The following CALCR variants were observed in gnomAD, a reference collection of about 807,000 sequenced individuals.
CALCR encodes calcitonin receptor.
A neutral mutation model predicts 59.5 loss-of-function variants in CALCR; 47 were observed. The ratio of observed to expected loss-of-function variants is 0.79; its 90% confidence interval spans 0.63 to 1.01. The LOEUF is 1.01. Ranked by LOEUF, CALCR falls within the 50% of genes least tolerant of loss-of-function variation. The probability of loss-of-function intolerance (pLI) is 0.00; values close to 1 mark genes in which losing one functional copy is unlikely to be tolerated. For missense variants in CALCR, 566 were observed against 597.1 expected, an observed-to-expected ratio of 0.95 and a Z score of 0.54; for synonymous variants, 213 against 211.3, an observed-to-expected ratio of 1.01 and a Z score of -0.07.
chr7:93,482,817 C>G (rs953448593), intron 3 of CALCR: 1 of 533,498 alleles, frequency 1.9e-6, no homozygotes, highest in African/African-American at 1.9e-5. Context: ...TTGTTTGAAG[C>G]TGGTTCAGTA....
intron 7 of CALCR, among the ~76,000 whole-genome samples, chr7:93,464,458 T>C (rs1327549969): frequency 6.6e-6 from 1 of 151,960 alleles, no homozygotes; most frequent in East Asian, 1.9e-4. Context: ...TTAGTTTTCA[T>C]TTACCTAGGA....
chr7:93,450,066 G>C (rs1240346596), intron 8 of CALCR, among the ~76,000 whole-genome samples: 12 of 151,990 alleles, frequency 7.9e-5, no homozygotes. Flanking sequence ...CCATTTTGTA[G>C]CATTCTTTAA....
chr7:93,460,428 T>C (rs1306520709), intron 8 of CALCR, among the ~76,000 whole-genome samples: 17 of 150,720 alleles, frequency 1.1e-4, no homozygotes, highest in Non-Finnish European at 1.5e-5. Context: ...TGGTGTCGCA[T>C]GCCTGTAATC....
chr7:93,428,151 G>A (rs1799570018), intron 13 of CALCR, among the ~76,000 whole-genome samples: 1 of 152,142 alleles, frequency 6.6e-6, no homozygotes, highest in Admixed American at 6.5e-5. Flanking sequence ...AAAAAGCCAC[G>A]CAAGAACAAA....
intron 9 of CALCR, among the ~76,000 whole-genome samples, chr7:93,442,958 G>A (rs1799939875): frequency 1.3e-5 from 2 of 152,140 alleles, no homozygotes. Flanking sequence ...TGGGGGAAAG[G>A]GAGCAATTCT....
intron 2 of CALCR, among the ~76,000 whole-genome samples, chr7:93,532,118 A>G (rs534085493): frequency 6.6e-6 from 1 of 152,114 alleles, no homozygotes; most frequent in East Asian, 1.9e-4. Context: ...TGTCCTAAAT[A>G]TATGACATGA....
At chr7:93,427,267 C>T (rs1799550054) in intron 13 of CALCR, among the ~76,000 whole-genome samples, 1 of 152,152 alleles carries the variant, frequency 6.6e-6, no homozygotes, top group Non-Finnish European at 1.5e-5. Flanking sequence ...ATGAAAACTA[C>T]AATAACCACA....
intron 2 of CALCR, among the ~76,000 whole-genome samples, chr7:93,565,917 T>G (rs921095652): frequency 2.6e-5 from 4 of 152,210 alleles, no homozygotes; most frequent in Non-Finnish European, 5.9e-5. Context: ...GAAGTTGGGT[T>G]AATTAATGGA....
chr7:93,486,835 C>T, intron 3 of CALCR, 96 bp downstream of exon 3: 1 of 800,150 alleles, frequency 1.2e-6, no homozygotes, highest in African/African-American at 1.8e-5. Flanking sequence ...AGACCAATGC[C>T]TACCCTTGCA....
chr7:93,435,395 G>A (rs1335660840), intron 12 of CALCR, among the ~76,000 whole-genome samples: 2 of 152,112 alleles, frequency 1.3e-5, no homozygotes, highest in East Asian at 1.9e-4. Flanking sequence ...GACCAGCTGA[G>A]GGCCCTGGGA....
intron 3 of CALCR, chr7:93,482,726 AT>A: frequency 1.9e-6 from 1 of 529,726 alleles, no homozygotes; most frequent in South Asian, 1.4e-5. Flanking sequence ...GACAATCTGT[AT>A]ACGAGTAGTT....
chr7:93,525,484 C>T (rs962596207), intron 2 of CALCR, among the ~76,000 whole-genome samples: 1 of 152,064 alleles, frequency 6.6e-6, no homozygotes, highest in African/African-American at 2.4e-5. Context: ...AGGAAGAGAG[C>T]AAAATATGAA....
At chr7:93,507,427 C>T (rs529264582) in intron 2 of CALCR, among the ~76,000 whole-genome samples, 187 of 151,866 alleles carry the variant, frequency 1.2e-3, no homozygotes, top group Non-Finnish European at 2.5e-3. Context: ...GGTAAGGAGC[C>T]AGGACAGAAA....
chr7:93,493,893 G>C (rs896756448), intron 2 of CALCR, among the ~76,000 whole-genome samples: 3 of 151,492 alleles, frequency 2.0e-5, no homozygotes, highest in East Asian at 2.0e-4. Flanking sequence ...ATTTCCTGGT[G>C]TGAAAGTTGG....
chr7:93,483,484 T>A (rs912667300), intron 3 of CALCR, among the ~76,000 whole-genome samples: 1 of 143,146 alleles, frequency 7.0e-6, no homozygotes, highest in Non-Finnish European at 1.5e-5. Flanking sequence ...TATAAACATA[T>A]AAATATATGT....
chr7:93,562,489 G>A (rs1415957362), intron 2 of CALCR, among the ~76,000 whole-genome samples: 1 of 152,150 alleles, frequency 6.6e-6, no homozygotes, highest in African/African-American at 2.4e-5. Context: ...GCTTGGATAT[G>A]AGTAAGATGA....
chr7:93,469,478 T>C (rs992566507), intron 6 of CALCR, among the ~76,000 whole-genome samples: 1 of 151,688 alleles, frequency 6.6e-6, no homozygotes, highest in Non-Finnish European at 1.5e-5. Context: ...TGTAATTTTA[T>C]CAACAGAGAA....
chr7:93,540,759 A>T (rs1789113571), intron 2 of CALCR, among the ~76,000 whole-genome samples: 1 of 60,508 alleles, frequency 1.7e-5, no homozygotes, highest in East Asian at 4.3e-4. Flanking sequence ...TATATTATAT[A>T]ATATTATATT....
intron 2 of CALCR, among the ~76,000 whole-genome samples, chr7:93,518,470 T>C (rs1801691358): frequency 6.6e-6 from 1 of 151,984 alleles, no homozygotes; most frequent in Admixed American, 6.6e-5. Flanking sequence ...TCATGAGTTT[T>C]CCCACCTGTT....
Sources: gnomAD v4.1 joint callset for allele counts (sites outside exome capture counted in the v4.1 genomes callset) on GRCh38, gnomAD v4.1.1 for gene constraint, MANE v1.5 for transcripts, NCBI Gene and HGNC (gene_info 2026-07-23, HGNC 2026-07-21) for gene names.